Variants in PLEKHG5 observed in about 807,000 individuals in gnomAD.
PLEKHG5 encodes the protein pleckstrin homology and RhoGEF domain containing G5.
A neutral mutation model predicts 103.8 loss-of-function variants in PLEKHG5; 52 were observed. The observed-to-expected ratio is 0.50, with a 90% confidence interval of 0.40 to 0.63. PLEKHG5 has a LOEUF of 0.63. PLEKHG5 is among the 30% of genes least tolerant of loss of function. PLEKHG5 has a pLI of 0.00. For missense variants in PLEKHG5, 1,205 were observed against 1,347.6 expected, an observed-to-expected ratio of 0.89 and a Z score of 1.66; for synonymous variants, 592 against 575.5, an observed-to-expected ratio of 1.03 and a Z score of -0.41.
rs550496858 is a variant in PLEKHG5 at position 6,467,741 on chromosome 1, C to G, written c.3011+84G>C. The G allele has an allele frequency of 1.7e-5, 26 of 1,552,484 alleles. No individual in the cohort carries two copies. The East Asian group carries it at 5.9e-4, about 35-fold the overall frequency. ...TCAGGCTCCCTCCGCCATGACCCTC[C>G]CCAAATGCGATGCTCCCAGGCATGA... On this transcript the variant is annotated intron_variant, in intron 20 of 20. Transcript: ENST00000377728.
intron 1 of PLEKHG5, among the ~76,000 whole-genome samples, chr1:6,511,992 C>T (rs1638485927): frequency 1.3e-5 from 2 of 152,358 alleles, no homozygotes; most frequent in Admixed American, 6.5e-5. Context: ...GCTGTCCTTA[C>T]AGCAGGGACA....
In PLEKHG5 at chr1:6,475,093, C is replaced by T; in HGVS notation, c.256G>A (p.Asp86Asn). ...CFTLKFDLNV[D>N]IETEIVPAMK... is the part of the protein sequence containing the mutation. Reference sequence around the variant, plus strand: ...GCTGGGACGATCTCTGTCTCAATGTCCACATTCAGGTCAAATTTCAGAGTG... The same window carrying T: ...GCTGGGACGATCTCTGTCTCAATGTTCACATTCAGGTCAAATTTCAGAGTG... Residue 86 changes from aspartate (D) to asparagine (N), a missense_variant, in exon 5 of 21, where the codon GAC (aspartate) becomes AAC (asparagine). Physicochemically the swap from Asp to Asn is conservative, Grantham distance 23. Coordinates refer to ENST00000377728, the MANE Select transcript of PLEKHG5 (RefSeq NM_020631.6). 6.2e-7 allele frequency: 1 copy of T among 1,612,250 alleles called. No individual in the cohort carries two copies. Among genetic ancestry groups the T allele is most frequent in the Non-Finnish European group, 8.5e-7 (1 of 1,178,342 alleles).
intron 1 of PLEKHG5, among the ~76,000 whole-genome samples, chr1:6,507,151 C>T (rs1569997305): frequency 6.6e-6 from 1 of 152,216 alleles, no homozygotes; most frequent in East Asian, 1.9e-4. Context: ...AAGCCTATGG[C>T]AGCCCTCCTG....
chr1:6,502,913 C>G (rs571591741), intron 1 of PLEKHG5, among the ~76,000 whole-genome samples: 1 of 152,330 alleles, frequency 6.6e-6, no homozygotes, highest in South Asian at 2.1e-4. Flanking sequence ...CCCGGCGCCT[C>G]TCTGCCGGCC....
At position 6,480,478 on chromosome 1, in the gene PLEKHG5, A is replaced by G. The variant is rs532750190; in HGVS notation, c.-87-2820T>C. ...CGGGGGCAGAGGTTGCAGTGAGCCG[A>G]GATCACACCACTGCACTCCAGCCTG... is the stretch of plus-strand genomic sequence containing the variant. On this transcript the variant is annotated intron_variant, in intron 1 of 20. Transcript: ENST00000377728. 3.4e-5 allele frequency among the ~76,000 whole-genome samples: 5 copies of G among 148,444 alleles called. No homozygotes were observed. The South Asian group carries it at 1.1e-3, about 34-fold the overall frequency.
intron 1 of PLEKHG5, among the ~76,000 whole-genome samples, chr1:6,481,300 G>A (rs1003396568): frequency 2.0e-5 from 3 of 152,148 alleles, no homozygotes; most frequent in Non-Finnish European, 4.4e-5. Context: ...GGAGGCCGAG[G>A]CGGGCGGGTC....
At chr1:6,511,092 A>C (rs1638458214) in intron 1 of PLEKHG5, among the ~76,000 whole-genome samples, 1 of 152,212 alleles carries the variant, frequency 6.6e-6, no homozygotes. Context: ...GTGTCAAAAA[A>C]AAAAAAAAGT....
At chr1:6,496,266 C>A (rs936440763), upstream of PLEKHG5, among the ~76,000 whole-genome samples, 1 of 152,230 alleles carries the variant, frequency 6.6e-6, no homozygotes, top group Non-Finnish European at 1.5e-5. Context: ...TGGGGTACTC[C>A]ACCCCCCTGT....
At chr1:6,503,407 CTTTTTTT>C (rs111752953) in intron 1 of PLEKHG5, among the ~76,000 whole-genome samples, 5 of 125,570 alleles carry the variant, frequency 4.0e-5, no homozygotes, top group Non-Finnish European at 6.6e-5. Flanking sequence ...ACAACCCTGT[CTTTTTTT>C]TTTTTTTTTT....
Position 6,469,648 on chromosome 1 carries a change from T to A in PLEKHG5, c.1829A>T (p.Asp610Val). 6.2e-7 allele frequency: 1 copy of A among 1,613,594 alleles called. No homozygotes were observed. Among genetic ancestry groups the A allele is most frequent in the Non-Finnish European group, 8.5e-7 (1 of 1,180,022 alleles). Residue 610 changes from aspartate to valine, a missense_variant, in exon 17 of 21, where the codon GAT becomes GTT. Physicochemically the swap from Asp to Val is radical, Grantham distance 152. Transcript: ENST00000377728. ...KMDVYCFLFTDLLLVTKAVKK... is the reference protein window; with the variant it reads ...KMDVYCFLFTVLLLVTKAVKK... The stretch of plus-strand genomic sequence containing the variant: ...CACTGCTTTGGTCACCAACAGCAGA[T>A]CCGTGAAGAGGAAGCAGTACACATC...
upstream of PLEKHG5, among the ~76,000 whole-genome samples, chr1:6,492,678 G>C (rs909219249): frequency 1.3e-5 from 2 of 152,140 alleles, no homozygotes; most frequent in African/African-American, 2.4e-5. Context: ...TCGCTGCCGG[G>C]TTATTTTCCA....
At chr1:6,491,852 A>T (rs553865961), upstream of PLEKHG5, among the ~76,000 whole-genome samples, 6 of 152,260 alleles carry the variant, frequency 3.9e-5, no homozygotes, top group African/African-American at 1.2e-4. This position sits in a 1 kb window ranked among gnomAD's most constrained non-coding sequence, Gnocchi z 4.1. Flanking sequence ...CTCTTCTTGC[A>T]TATGTCTAGT....
At chr1:6,492,883 G>C (rs964785554), upstream of PLEKHG5, among the ~76,000 whole-genome samples, 3 of 152,012 alleles carry the variant, frequency 2.0e-5, no homozygotes, top group Non-Finnish European at 4.4e-5. Context: ...GGTGCTCCTA[G>C]TGCAGCCTGC....
chr1:6,497,263 C>T, upstream of PLEKHG5: 1 of 897,106 alleles, frequency 1.1e-6, no homozygotes, highest in Non-Finnish European at 1.7e-6. The surrounding 1 kb of genome is among the most constrained non-coding windows in gnomAD (Gnocchi z 6.1). Flanking sequence ...AGGTTAGGAG[C>T]CGGCCCGGCC....
At chr1:6,516,483 C>A (rs143254195) in intron 1 of PLEKHG5, among the ~76,000 whole-genome samples, 1 of 151,844 alleles carries the variant, frequency 6.6e-6, no homozygotes, top group African/African-American at 2.4e-5. Context: ...ATGGTGAAAC[C>A]CCATCTCTAC....
intron 3 of PLEKHG5, 65 bp from the exon 4 acceptor site, chr1:6,475,587 G>A (rs954618427): frequency 6.5e-6 from 9 of 1,381,210 alleles, no homozygotes; most frequent in South Asian, 3.5e-5. Context: ...TGGGCGGCGA[G>A]TGGGCCTGTG....
chr1:6,496,619 C>G (rs370935324), upstream of PLEKHG5: 26 of 1,345,962 alleles, frequency 1.9e-5, no homozygotes, highest in Non-Finnish European at 7.0e-6. Context: ...CCAGGCTCCC[C>G]TGGGCCCCAC....
chr1:6,471,414 G>T (rs1569858671), intron 12 of PLEKHG5, 74 bp downstream of exon 12: 3 of 1,498,134 alleles, frequency 2.0e-6, no homozygotes, highest in South Asian at 1.3e-5. Context: ...GGGCAGACCG[G>T]ATCGGGCCGT....
chr1:6,488,329 G>A (rs976762097), intron 1 of PLEKHG5, among the ~76,000 whole-genome samples: 5 of 152,256 alleles, frequency 3.3e-5, no homozygotes, highest in Non-Finnish European at 5.9e-5. Flanking sequence ...CTGCTGCTAC[G>A]TAGGGAAATG....
Sources: gnomAD v4.1 joint callset for allele counts (sites outside exome capture counted in the v4.1 genomes callset) on GRCh38, gnomAD v4.1.1 for gene constraint, Gnocchi (gnomAD v3.1) non-coding constraint, MANE v1.5 for transcripts, NCBI Gene and HGNC (gene_info 2026-07-23, HGNC 2026-07-21) for gene names.